CPPED1: variants seen among roughly 807,000 people sequenced by gnomAD.
The protein encoded by CPPED1 is calcineurin like phosphoesterase domain containing 1, also known as serine/threonine-protein phosphatase CPPED1.
In CPPED1, 28 loss-of-function variants were observed where a neutral mutation model predicts 28.0. That is an observed-to-expected ratio of 1.00 (90% CI 0.74 to 1.37). The LOEUF (loss-of-function observed/expected upper bound fraction) is 1.37. Ranked by LOEUF, CPPED1 falls within the 40% of genes most tolerant of loss-of-function variation. CPPED1 has a pLI of 0.00. For missense variants in CPPED1, 504 were observed against 416.5 expected, an observed-to-expected ratio of 1.21 and a Z score of -1.83; for synonymous variants, 198 against 180.2, an observed-to-expected ratio of 1.10 and a Z score of -0.79.
intron 2 of CPPED1, among the ~76,000 whole-genome samples, chr16:12,725,718 C>A (rs564554025): frequency 2.6e-5 from 4 of 152,282 alleles, no homozygotes; most frequent in Admixed American, 2.6e-4. Flanking sequence ...TCAGTGACCA[C>A]TAGCTGTAAT....
At chr16:12,735,456 T>C (rs1304307159) in intron 2 of CPPED1, among the ~76,000 whole-genome samples, 1 of 152,170 alleles carries the variant, frequency 6.6e-6, no homozygotes, top group Non-Finnish European at 1.5e-5. Context: ...AGGCGCACAT[T>C]ACCGTCCCTG....
At chr16:12,699,664 A>T (rs907426127) in intron 3 of CPPED1, among the ~76,000 whole-genome samples, 1 of 152,152 alleles carries the variant, frequency 6.6e-6, no homozygotes, top group African/African-American at 2.4e-5. Context: ...AGGGTATTTT[A>T]TAACAACACA....
At chr16:12,727,477 C>A (rs951824390) in intron 2 of CPPED1, among the ~76,000 whole-genome samples, 1 of 152,112 alleles carries the variant, frequency 6.6e-6, no homozygotes. Flanking sequence ...CTCAGCCTCT[C>A]GAGTAGCTGA....
chr16:12,703,608 G>A (rs982647341), intron 3 of CPPED1, among the ~76,000 whole-genome samples: 4 of 151,822 alleles, frequency 2.6e-5, no homozygotes, highest in African/African-American at 9.7e-5. Context: ...CTTGAACCTG[G>A]GAGGCGGAGG....
chr16:12,718,107 GA>G (rs1345774876), intron 2 of CPPED1, among the ~76,000 whole-genome samples: 5 of 152,216 alleles, frequency 3.3e-5, no homozygotes, highest in Non-Finnish European at 7.3e-5. Context: ...GTCAGGGGAA[GA>G]GAAGAGAGCT....
chr16:12,716,153 T>C (rs2080105989), intron 2 of CPPED1, among the ~76,000 whole-genome samples: 1 of 152,264 alleles, frequency 6.6e-6, no homozygotes, highest in Non-Finnish European at 1.5e-5. Context: ...AATATGTAAT[T>C]GTGAATGTCA....
At chr16:12,673,295 C>T (rs937413275) in intron 3 of CPPED1, among the ~76,000 whole-genome samples, 3 of 152,158 alleles carry the variant, frequency 2.0e-5, no homozygotes, top group South Asian at 4.1e-4. Flanking sequence ...CAAATGGGAC[C>T]GCGTAAGATC....
At chr16:12,723,073 G>C (rs553474505) in intron 2 of CPPED1, among the ~76,000 whole-genome samples, 1 of 152,214 alleles carries the variant, frequency 6.6e-6, no homozygotes, top group East Asian at 1.9e-4. Context: ...CAGGAGGGTC[G>C]GCAACGTCTC....
intron 1 of CPPED1, among the ~76,000 whole-genome samples, chr16:12,786,623 G>A (rs1383442647): frequency 6.6e-6 from 1 of 152,076 alleles, no homozygotes; most frequent in Non-Finnish European, 1.5e-5. Flanking sequence ...AAGATTCTTT[G>A]AAAAGTAAGA....
At chr16:12,722,161 G>T (rs1596460033) in intron 2 of CPPED1, among the ~76,000 whole-genome samples, 1 of 152,264 alleles carries the variant, frequency 6.6e-6, no homozygotes, top group Middle Eastern at 3.4e-3. Flanking sequence ...AAATTAAATA[G>T]CAGGACAACC....
intron 2 of CPPED1, among the ~76,000 whole-genome samples, chr16:12,713,278 T>A (rs1261581706): frequency 1.3e-5 from 2 of 152,178 alleles, no homozygotes; most frequent in African/African-American, 2.4e-5. Context: ...GGCAGCACAA[T>A]GTCTCTGCTA....
At chr16:12,750,584 G>A (rs188114600) in intron 2 of CPPED1, among the ~76,000 whole-genome samples, 4 of 152,250 alleles carry the variant, frequency 2.6e-5, no homozygotes, top group Admixed American at 6.5e-5. Context: ...AAAGATCACC[G>A]ATCACAGATC....
intron 3 of CPPED1, among the ~76,000 whole-genome samples, chr16:12,673,389 G>T (rs1043553641): frequency 1.3e-5 from 2 of 152,214 alleles, no homozygotes; most frequent in Admixed American, 6.5e-5. Context: ...ATGTTTATGA[G>T]ATTTGGCTCT....
chr16:12,690,449 G>A (rs1214348769), intron 3 of CPPED1, among the ~76,000 whole-genome samples: 1 of 151,964 alleles, frequency 6.6e-6, no homozygotes, highest in African/African-American at 2.4e-5. Flanking sequence ...AGGAGGCAGA[G>A]GTTGCAGTGA....
chr16:12,668,943 C>T (rs773096750), intron 3 of CPPED1, among the ~76,000 whole-genome samples: 30 of 152,318 alleles, frequency 2.0e-4, no homozygotes, highest in Non-Finnish European at 4.1e-4. Context: ...ATGTTAAACA[C>T]GTATTTACCA....
chr16:12,802,651 G>C (rs940814951), intron 1 of CPPED1, among the ~76,000 whole-genome samples: 1 of 152,166 alleles, frequency 6.6e-6, no homozygotes, highest in Non-Finnish European at 1.5e-5. Flanking sequence ...ACCTACTTTA[G>C]ATAAGGTAGC....
At chr16:12,681,450 C>A (rs1054148687) in intron 3 of CPPED1, among the ~76,000 whole-genome samples, 1 of 152,138 alleles carries the variant, frequency 6.6e-6, no homozygotes, top group Admixed American at 6.5e-5. Flanking sequence ...AATCTCTGTT[C>A]TTTATAAATT....
At chr16:12,795,185 G>A (rs2080620107) in intron 1 of CPPED1, among the ~76,000 whole-genome samples, 1 of 152,236 alleles carries the variant, frequency 6.6e-6, no homozygotes, top group Non-Finnish European at 1.5e-5. Flanking sequence ...AGCTGTGTAG[G>A]CACATGGCCA....
intron 2 of CPPED1, among the ~76,000 whole-genome samples, chr16:12,711,601 T>C (rs977109915): frequency 5.9e-5 from 9 of 151,966 alleles, no homozygotes; most frequent in African/African-American, 2.2e-4. Context: ...GGTCTAGGAG[T>C]CTGGAGTTCA....
Sources: gnomAD v4.1 joint callset for allele counts (sites outside exome capture counted in the v4.1 genomes callset) on GRCh38, gnomAD v4.1.1 for gene constraint, MANE v1.5 for transcripts, NCBI Gene and HGNC (gene_info 2026-07-23, HGNC 2026-07-21) for gene names.